Variants in PDE11A observed in about 807,000 individuals in gnomAD.
PDE11A encodes the protein phosphodiesterase 11A, also known as dual 3',5'-cyclic-AMP and -GMP phosphodiesterase 11A.
Under a neutral mutation model 100.5 loss-of-function variants are expected in PDE11A, and 100 were observed. The observed-to-expected ratio is 1.00, with a 90% CI of 0.85 to 1.18. The LOEUF is 1.18. Ranked by LOEUF, PDE11A falls within the 50% of genes most tolerant of loss-of-function variation. The pLI is 0.00. For synonymous variants in PDE11A, 381 were observed against 420.8 expected, an observed-to-expected ratio of 0.91 and a Z score of 1.16; for missense variants, 1,141 against 1,152.6, an observed-to-expected ratio of 0.99 and a Z score of 0.15.
intron 2 of PDE11A, among the ~76,000 whole-genome samples, chr2:177,995,259 G>C (rs1030668583): frequency 7.2e-5 from 11 of 152,050 alleles, no homozygotes; most frequent in Admixed American, 7.2e-4. Context: ...GATTCCAAGG[G>C]AGTTTAGGTT....
intron 1 of PDE11A, among the ~76,000 whole-genome samples, chr2:178,059,255 C>T (rs2086937050): frequency 6.6e-6 from 1 of 152,154 alleles, no homozygotes; most frequent in South Asian, 2.1e-4. Flanking sequence ...CTGTGTCTAG[C>T]AGGGTCCAGG....
At chr2:177,802,285 G>C (rs1372046610) in intron 9 of PDE11A, among the ~76,000 whole-genome samples, 1 of 151,954 alleles carries the variant, frequency 6.6e-6, no homozygotes, top group African/African-American at 2.4e-5. Flanking sequence ...TAGCCACTTT[G>C]GAAAAATATA....
chr2:177,759,968 A>G (rs1341228044), intron 10 of PDE11A, among the ~76,000 whole-genome samples: 2 of 152,236 alleles, frequency 1.3e-5, no homozygotes, highest in African/African-American at 4.8e-5. Flanking sequence ...TGCCACCAAG[A>G]TTTCAAGAAT....
At chr2:177,983,011 A>G (rs1029547253) in intron 2 of PDE11A, among the ~76,000 whole-genome samples, 3 of 150,620 alleles carry the variant, frequency 2.0e-5, no homozygotes, top group Non-Finnish European at 3.0e-5. Context: ...ACCTGGGGGA[A>G]TTTGCAGTGA....
At chr2:177,836,740 C>T (rs140905604) in intron 6 of PDE11A, among the ~76,000 whole-genome samples, 5 of 152,242 alleles carry the variant, frequency 3.3e-5, no homozygotes, top group East Asian at 1.9e-4. Context: ...AGTGAGACCA[C>T]GAACTCACCT....
rs76220256 is a variant in PDE11A at position 177,754,929 on chromosome 2, C to A, written c.1788+14394G>T. On this transcript the variant is annotated intron_variant, in intron 10 of 19. Coordinates refer to ENST00000286063, the MANE Select transcript of PDE11A (RefSeq NM_016953.4). Reference sequence around the variant, plus strand: ...CTATTTTACTATGAGTTTCAAATATCAGATCTAGGGATGTTTGGCCTGTCT... The same window carrying A: ...CTATTTTACTATGAGTTTCAAATATAAGATCTAGGGATGTTTGGCCTGTCT... Among the ~76,000 whole-genome samples, 186 of 152,334 alleles carry A rather than the reference C, an allele frequency of 1.2e-3. 2 individuals carry two copies. The East Asian group carries it at 0.033, about 27-fold the overall frequency.
intron 5 of PDE11A, among the ~76,000 whole-genome samples, chr2:177,856,775 G>T (rs2083841524): frequency 1.3e-5 from 2 of 151,978 alleles, no homozygotes; most frequent in Admixed American, 1.3e-4. Context: ...AAAGAATGAA[G>T]AAAAATGAAC....
At position 177,853,714 on chromosome 2, in the gene PDE11A, T is replaced by TGTGTGTGTGTTTG. The variant is rs1558974124; in HGVS notation, c.1368-13332_1368-13331insCAAACACACACAC. 1.4e-3 allele frequency among the ~76,000 whole-genome samples: 22 copies of TGTGTGTGTGTTTG among 16,228 alleles called. 1 individual carries two copies. Among genetic ancestry groups the TGTGTGTGTGTTTG allele is most frequent in the South Asian group, 8.9e-3 (4 of 448 alleles). The allele number at this position is 16,228 out of a possible 152,430, so 10.6% of individuals were successfully genotyped here. On this transcript the variant is annotated intron_variant, in intron 5 of 19. Transcript: ENST00000286063. ...TGTGTGTGTGTGTGTGTGTGTGTGTTTGTGTGTGTGTGTGTGTATATCTAT... is the reference window on the plus strand; with the variant it reads ...TGTGTGTGTGTGTGTGTGTGTGTGTTGTGTGTGTGTTTGTGTGTGTGTGTGTGTGTATATCTAT...
At chr2:177,885,633 A>G (rs1235262670) in intron 4 of PDE11A, among the ~76,000 whole-genome samples, 1 of 152,194 alleles carries the variant, frequency 6.6e-6, no homozygotes, top group Non-Finnish European at 1.5e-5. Flanking sequence ...AGGTAGGGAA[A>G]TGGAAAGTAA....
intron 9 of PDE11A, among the ~76,000 whole-genome samples, chr2:177,770,789 A>G (rs767446005): frequency 5.3e-5 from 8 of 152,204 alleles, no homozygotes; most frequent in Non-Finnish European, 1.2e-4. Flanking sequence ...CATAAATAGC[A>G]TATGTATGTT....
intron 15 of PDE11A, among the ~76,000 whole-genome samples, chr2:177,683,677 A>C (rs948793132): frequency 1.3e-5 from 2 of 152,130 alleles, no homozygotes; most frequent in Non-Finnish European, 2.9e-5. Context: ...TTGCCCAATA[A>C]ATTCCATAAC....
intron 9 of PDE11A, among the ~76,000 whole-genome samples, chr2:177,787,444 GT>G (rs1380837069): frequency 6.6e-6 from 1 of 151,778 alleles, no homozygotes; most frequent in African/African-American, 2.4e-5. Flanking sequence ...ATGCCAAAAT[GT>G]AAAGACCATC....
At chr2:177,755,604 T>G (rs1441965427) in intron 10 of PDE11A, among the ~76,000 whole-genome samples, 1 of 152,188 alleles carries the variant, frequency 6.6e-6, no homozygotes, top group East Asian at 1.9e-4. Flanking sequence ...CTGACACACT[T>G]TCCTAAGCAC....
At chr2:177,968,854 G>C (rs1336481892) in intron 2 of PDE11A, among the ~76,000 whole-genome samples, 1 of 152,246 alleles carries the variant, frequency 6.6e-6, no homozygotes, top group Non-Finnish European at 1.5e-5. Context: ...GTGTAAGACA[G>C]TGTGGTGATT....
chr2:177,863,993 T>C (rs902797407), intron 5 of PDE11A, among the ~76,000 whole-genome samples: 2 of 152,112 alleles, frequency 1.3e-5, no homozygotes, highest in African/African-American at 2.4e-5. Flanking sequence ...AAGTGGTACA[T>C]ATATATAATG....
intron 5 of PDE11A, among the ~76,000 whole-genome samples, chr2:177,843,798 C>T (rs570955509): frequency 6.6e-6 from 1 of 152,114 alleles, no homozygotes; most frequent in Admixed American, 6.5e-5. Context: ...AATTAAATGC[C>T]CACTTCAAAT....
At chr2:177,707,634 C>T (rs1057359078) in intron 13 of PDE11A, among the ~76,000 whole-genome samples, 2 of 152,148 alleles carry the variant, frequency 1.3e-5, no homozygotes, top group African/African-American at 4.8e-5. Context: ...GCAGCCTCAG[C>T]TCCCAAATCT....
chr2:177,863,691 C>T (rs78405173), intron 5 of PDE11A, among the ~76,000 whole-genome samples: 4,390 of 138,766 alleles, frequency 0.032, 209 homozygotes, highest in African/African-American at 0.1. Context: ...CAAAAGATGA[C>T]AAATGTTGGT....
chr2:178,097,309 G>C (rs2087506771), intron 2 of PDE11A, among the ~76,000 whole-genome samples: 1 of 152,228 alleles, frequency 6.6e-6, no homozygotes, highest in African/African-American at 2.4e-5. Context: ...ATAAAGGAAA[G>C]AGGTTTAATT....
Sources: allele counts gnomAD v4.1 joint callset (sites outside exome capture counted in the v4.1 genomes callset), GRCh38; gene constraint gnomAD v4.1.1; transcripts MANE v1.5; gene names NCBI Gene and HGNC (gene_info 2026-07-23, HGNC 2026-07-21).